The following ANKDD1A variants were observed in gnomAD, a reference collection of about 807,000 sequenced individuals.
ANKDD1A encodes the protein ankyrin repeat and death domain containing 1A.
A neutral mutation model predicts 63.5 loss-of-function variants in ANKDD1A; 59 were observed. The ratio of observed to expected loss-of-function variants is 0.93; its 90% CI spans 0.75 to 1.15. ANKDD1A has a LOEUF of 1.15. ANKDD1A is among the 50% of genes most tolerant of loss of function. The pLI is 0.00. For synonymous variants in ANKDD1A, 266 were observed against 263.9 expected (o/e 1.01, Z -0.08); for missense variants, 632 against 656.4 (o/e 0.96, Z 0.41).
chr15:64,949,558 CAG>C (rs2085252325), intron 13 of ANKDD1A, among the ~76,000 whole-genome samples: 1 of 152,214 alleles, frequency 6.6e-6, no homozygotes, highest in Non-Finnish European at 1.5e-5. Flanking sequence ...GTGACACCAA[CAG>C]AGTGCATAGT....
intron 2 of ANKDD1A, 142 bp downstream of exon 2, chr15:64,916,042 T>A: frequency 1.3e-6 from 1 of 761,572 alleles, no homozygotes; most frequent in Non-Finnish European, 2.1e-6. Context: ...TCTGTCCTCA[T>A]GGCCTGCATT....
intron 14 of ANKDD1A, 176 bp downstream of exon 14, chr15:64,950,148 G>GC (rs1422216476): frequency 1.0e-6 from 1 of 985,266 alleles, no homozygotes; most frequent in East Asian, 1.1e-4. Context: ...GTGCCTCCTG[G>GC]CCCTGGTTTC....
rs138418526 is a variant in ANKDD1A at position 64,949,936 on chromosome 15, G to A, written c.1447G>A (p.Glu483Lys). Residue 483 changes from glutamate to lysine, a missense_variant, in exon 14 of 15, where the codon GAG becomes AAG. By Grantham distance (56) the Glu-to-Lys change is moderately conservative. Coordinates refer to ENST00000319580, the MANE Select transcript of ANKDD1A (RefSeq NM_182703.6). ...TGAGAACCCCAGCAAAGCGCTGTTC[G>A]AGGGCCTCGTGGCCATTGGCAGGAG... ...AGENPSKALF[E>K]GLVAIGRRDL... The A allele has an allele frequency of 3.3e-5, 53 of 1,609,800 alleles. 1 individual carries two copies. In the African/African-American group the frequency reaches 3.3e-4, roughly 10 times the overall value.
At chr15:64,939,397 G>A (rs78835134) in intron 9 of ANKDD1A, among the ~76,000 whole-genome samples, 5,596 of 152,118 alleles carry the variant, frequency 0.037, 324 homozygotes, top group South Asian at 0.12. Context: ...GTCGAGATGC[G>A]CTTGAGGTTA....
At chr15:64,913,795 G>T (rs993314473) in intron 1 of ANKDD1A, among the ~76,000 whole-genome samples, 3 of 152,164 alleles carry the variant, frequency 2.0e-5, no homozygotes, top group African/African-American at 7.2e-5. Flanking sequence ...TACACAAAGG[G>T]GCTGGGTTCA....
At position 64,945,583 on chromosome 15, in the gene ANKDD1A, T is replaced by C. The variant is rs1482531091; in HGVS notation, c.1161+836T>C. 2.3e-5 allele frequency among the ~76,000 whole-genome samples: 3 copies of C among 128,042 alleles called. No individual in the cohort carries two copies. In the Admixed American group the frequency reaches 2.5e-4, roughly 11 times the overall value. 84.0% of individuals were successfully genotyped at this position (128,042 alleles called of 152,430 possible). A position where few individuals can be genotyped will look rare whatever the true frequency, so the allele number is the denominator to read the frequency against. On this transcript the variant is annotated intron_variant, in intron 12 of 14. Coordinates refer to ENST00000319580, the MANE Select transcript of ANKDD1A (RefSeq NM_182703.6). ...GCTAAACTATTGATGGTGTGTAGGT[T>C]AGAGGGATTAAATGCATTTTCAACA...
intron 14 of ANKDD1A, among the ~76,000 whole-genome samples, chr15:64,954,206 TCTTTTC>T (rs1365849577): frequency 0.017 from 74 of 4,234 alleles, 1 homozygote; most frequent in South Asian, 0.051. Flanking sequence ...TGTTCCTTAT[TCTTTTC>T]TTCTTCTTCT....
At chr15:64,937,455 G>A (rs543202807) in intron 9 of ANKDD1A, among the ~76,000 whole-genome samples, 12 of 152,216 alleles carry the variant, frequency 7.9e-5, no homozygotes, top group South Asian at 6.2e-4. Flanking sequence ...ACGGCCGGGC[G>A]CAGTGGCTCA....
Position 64,953,916 on chromosome 15 carries a change from TTC to T in ANKDD1A, c.1484-3183_1484-3182del, listed in dbSNP as rs1438465883. Among the ~76,000 whole-genome samples the T allele has an allele frequency of 3.2e-3, 281 of 87,962 alleles. 2 individuals carry two copies. The highest frequency in any genetic ancestry group is 0.018 in the Middle Eastern group (2 of 112). 57.7% of individuals were successfully genotyped at this position (87,962 alleles called of 152,430 possible). A position where few individuals can be genotyped will look rare whatever the true frequency, so the allele number is the denominator to read the frequency against. ...TCTTTTCTTTCTTCCCTCTTCTTTCTTCTCTTTTTCTTTTTTCTTTTCTTCCT... is the reference window on the plus strand; with the variant it reads ...TCTTTTCTTTCTTCCCTCTTCTTTCTTCTTTTTCTTTTTTCTTTTCTTCCT... On this transcript the variant is annotated intron_variant, in intron 14 of 14. Transcript: ENST00000319580.
At position 64,921,924 on chromosome 15, in the gene ANKDD1A, G is replaced by A; in HGVS notation, c.271G>A (p.Gly91Arg). Reference sequence around the variant, plus strand: ...TCCTCTATGTCCTCTCCCCTAGTTTGGGATGAATGCGCTTCTCCTGTCTGC... The same window carrying A: ...TCCTCTATGTCCTCTCCCCTAGTTTAGGATGAATGCGCTTCTCCTGTCTGC... The part of the protein sequence containing the change: ...GALTEARLCF[G>R]MNALLLSAWF... Residue 91 changes from glycine (G) to arginine (R), a missense_variant, in exon 4 of 15, where the codon GGG becomes AGG. Physicochemically the swap from Gly to Arg is moderately radical, Grantham distance 125. Transcript: ENST00000319580. 1 of 1,614,038 alleles carries A rather than the reference G, an allele frequency of 6.2e-7. No homozygotes were observed. Among genetic ancestry groups the A allele is most frequent in the East Asian group, 2.2e-5 (1 of 44,864 alleles).
At chr15:64,934,278 C>A (rs755348631) in intron 9 of ANKDD1A, 44 bp downstream of exon 9, 1 of 1,555,376 alleles carries the variant, frequency 6.4e-7, no homozygotes, top group East Asian at 2.3e-5. Context: ...ATTGCAAAGC[C>A]TTCCATGAGC....
chr15:64,935,315 G>C (rs2085121443), intron 9 of ANKDD1A, among the ~76,000 whole-genome samples: 1 of 151,836 alleles, frequency 6.6e-6, no homozygotes, highest in Admixed American at 6.6e-5. Context: ...CAGATTGCTT[G>C]AGGCTAGGAG....
At chr15:64,953,877 T>TTCG (rs1413084187) in intron 14 of ANKDD1A, among the ~76,000 whole-genome samples, 1 of 136,036 alleles carries the variant, frequency 7.4e-6, no homozygotes, top group Non-Finnish European at 1.6e-5. Context: ...TTCTTCTTCA[T>TTCG]TCTTTCTTCT....
At chr15:64,933,722 A>T (rs1171503873) in intron 8 of ANKDD1A, among the ~76,000 whole-genome samples, 1 of 152,076 alleles carries the variant, frequency 6.6e-6, no homozygotes, top group African/African-American at 2.4e-5. Context: ...GGCACCTGTA[A>T]TCCCAGCTAC....
In ANKDD1A at chr15:64,957,547, TA is replaced by T. The variant is rs777506742; in HGVS notation, c.*362del. 4 of 152,884 alleles carry T rather than the reference TA, an allele frequency of 2.6e-5. No individual in the cohort carries two copies. Among genetic ancestry groups the T allele is most frequent in the Non-Finnish European group, 5.8e-5 (4 of 68,476 alleles). 9.5% of individuals were successfully genotyped at this position (152,884 alleles called of 1,614,324 possible). A position where few individuals can be genotyped will look rare whatever the true frequency, so the allele number is the denominator to read the frequency against. Reference sequence around the variant, plus strand: ...ATTCATGCTTTTCTTCACAGCACTATAAAGTTGGACTTGGAAAATTTGGACA... The same window carrying T: ...ATTCATGCTTTTCTTCACAGCACTATAAGTTGGACTTGGAAAATTTGGACA... On this transcript the variant is annotated 3_prime_UTR_variant, in exon 15 of 15. Coordinates refer to ENST00000319580, the MANE Select transcript of ANKDD1A (RefSeq NM_182703.6).
At chr15:64,926,516 G>A (rs559006453) in intron 5 of ANKDD1A, among the ~76,000 whole-genome samples, 27 of 152,228 alleles carry the variant, frequency 1.8e-4, no homozygotes, top group African/African-American at 6.5e-4. Flanking sequence ...ATGGAAGAGC[G>A]AGGCTTGTGG....
At chr15:64,953,978 C>CTCTT (rs140021366) in intron 14 of ANKDD1A, among the ~76,000 whole-genome samples, 110,730 of 122,124 alleles carry the variant, frequency 0.91, 50,738 homozygotes, top group East Asian at 0.99. Context: ...TTCTTTCTTC[C>CTCTT]TCTATCTTCT....
At chr15:64,949,820 C>T in intron 13 of ANKDD1A, 21 bp from the exon 14 acceptor site, 1 of 1,597,878 alleles carries the variant, frequency 6.3e-7, no homozygotes, top group Non-Finnish European at 8.5e-7. Context: ...CCCTCTCTCT[C>T]TCCTCCCTCA....
In ANKDD1A at chr15:64,947,519, G is replaced by A. The variant is rs756416528; in HGVS notation, c.1277G>A (p.Arg426His). 9.3e-6 allele frequency: 15 copies of A among 1,613,906 alleles called. No individual in the cohort carries two copies. Among genetic ancestry groups the A allele is most frequent in the Admixed American group, 5.0e-5 (3 of 59,988 alleles). Residue 426 changes from arginine to histidine, a missense_variant, in exon 13 of 15, where the codon CGT becomes CAT. Coordinates refer to ENST00000319580, the MANE Select transcript of ANKDD1A (RefSeq NM_182703.6). ...CTGGCCTCCAGGTATCTGCAGCCCC[G>A]TGAGTGGAAGAAGCTGGCATATTCC... ...WRLASRYLQP[R>H]EWKKLAYSWE...
Sources: gnomAD v4.1 joint callset for allele counts (sites outside exome capture counted in the v4.1 genomes callset) on GRCh38, gnomAD v4.1.1 for gene constraint, MANE v1.5 for transcripts, NCBI Gene and HGNC (gene_info 2026-07-23, HGNC 2026-07-21) for gene names.